The following PLCL2 variants were observed in gnomAD, a reference collection of about 807,000 sequenced individuals.
PLCL2 encodes the protein phospholipase C like 2.
PLCL2 carries 4 observed loss-of-function variants against 79.6 expected under a neutral mutation model. The ratio of observed to expected loss-of-function variants is 0.05; its 90% CI spans 0.02 to 0.11. PLCL2 has a LOEUF of 0.11. PLCL2 is among the 10% of genes least tolerant of loss of function. The pLI is 1.00. For synonymous variants in PLCL2, 484 were observed against 457.7 expected (o/e 1.06, Z -0.73); for missense variants, 895 against 1,291.0 (o/e 0.69, Z 4.70).
At chr3:16,990,370 G>T (rs142908121) in intron 1 of PLCL2, among the ~76,000 whole-genome samples, 52 of 152,294 alleles carry the variant, frequency 3.4e-4, no homozygotes, top group Admixed American at 1.0e-3. Context: ...GGCTGCCTGA[G>T]TTCATGCATT....
intron 1 of PLCL2, among the ~76,000 whole-genome samples, chr3:16,973,694 G>C (rs577040509): frequency 1.3e-5 from 2 of 152,254 alleles, no homozygotes; most frequent in South Asian, 4.1e-4. Flanking sequence ...TCAGTATTCT[G>C]TTGTGACCTT....
chr3:16,909,267 GTT>G (rs1696820084), intron 1 of PLCL2, among the ~76,000 whole-genome samples: 2 of 152,152 alleles, frequency 1.3e-5, no homozygotes, highest in African/African-American at 4.8e-5. Flanking sequence ...GGTTTTTGCT[GTT>G]ACTTAATAGC....
intron 1 of PLCL2, among the ~76,000 whole-genome samples, chr3:16,953,557 T>G (rs998230145): frequency 6.6e-6 from 1 of 152,262 alleles, no homozygotes; most frequent in South Asian, 2.1e-4. Flanking sequence ...ACATTAATGT[T>G]ACTATTTTTG....
intron 1 of PLCL2, among the ~76,000 whole-genome samples, chr3:16,890,597 C>T (rs982492619): frequency 5.9e-5 from 9 of 152,208 alleles, no homozygotes; most frequent in African/African-American, 2.2e-4. Context: ...CTTCTTAATA[C>T]TAAGTTTTGG....
At chr3:17,080,158 A>G (rs2065147581) in intron 5 of PLCL2, among the ~76,000 whole-genome samples, 1 of 152,210 alleles carries the variant, frequency 6.6e-6, no homozygotes, top group African/African-American at 2.4e-5. Flanking sequence ...ACAGGAAGCC[A>G]AAAGGACAGA....
At chr3:17,073,047 G>C (rs1415376429) in intron 5 of PLCL2, among the ~76,000 whole-genome samples, 1 of 152,148 alleles carries the variant, frequency 6.6e-6, no homozygotes, top group African/African-American at 2.4e-5. Flanking sequence ...CTTTGATTTA[G>C]AAGCCAACTT....
rs115485968 is a variant in PLCL2 at position 16,974,303 on chromosome 3, G to A, written c.328-35371G>A. Among the ~76,000 whole-genome samples the A allele has an allele frequency of 9.0e-3, 1,375 of 152,274 alleles. 19 individuals carry two copies. Among genetic ancestry groups the A allele is most frequent in the African/African-American group, 0.03 (1,255 of 41,534 alleles). ...GCAGTGGAAAGTGGACTAGAGGGCA[G>A]GACTGGGTGACAGTAGCAAGCTAGG... On this transcript the variant is annotated intron_variant, in intron 1 of 5. Transcript: ENST00000615277.
At chr3:17,003,793 T>C (rs1335737017) in intron 1 of PLCL2, among the ~76,000 whole-genome samples, 1 of 152,180 alleles carries the variant, frequency 6.6e-6, no homozygotes, top group Non-Finnish European at 1.5e-5. Context: ...GAGGTTCTGC[T>C]ACCCCCTGGG....
chr3:16,921,667 C>G (rs1031701637), intron 1 of PLCL2, among the ~76,000 whole-genome samples: 4 of 152,144 alleles, frequency 2.6e-5, no homozygotes, highest in Admixed American at 2.6e-4. Context: ...TTTGAGGGAA[C>G]AAGATTCTAA....
At chr3:17,084,014 T>G (rs2124956920) in intron 5 of PLCL2, among the ~76,000 whole-genome samples, 1 of 152,306 alleles carries the variant, frequency 6.6e-6, no homozygotes, top group Non-Finnish European at 1.5e-5. Flanking sequence ...GCTAGTCCTT[T>G]GAAAACCTTA....
chr3:16,962,185 G>T (rs1320285324), intron 1 of PLCL2, among the ~76,000 whole-genome samples: 1 of 152,170 alleles, frequency 6.6e-6, no homozygotes, highest in Non-Finnish European at 1.5e-5. Context: ...AGAATAAAGA[G>T]AAAGGGATAT....
chr3:17,052,498 T>C (rs533255640), intron 4 of PLCL2, among the ~76,000 whole-genome samples: 1 of 152,312 alleles, frequency 6.6e-6, no homozygotes, highest in African/African-American at 2.4e-5. Flanking sequence ...ATCCTCCTGA[T>C]GATACTGGCA....
chr3:16,965,768 A>C (rs1169112165), intron 1 of PLCL2, among the ~76,000 whole-genome samples: 2 of 151,984 alleles, frequency 1.3e-5, no homozygotes, highest in Non-Finnish European at 2.9e-5. Context: ...TAGGTATTTT[A>C]TTCTCTTTGA....
chr3:16,911,559 A>G (rs1202824568), intron 1 of PLCL2, among the ~76,000 whole-genome samples: 1 of 152,168 alleles, frequency 6.6e-6, no homozygotes, highest in Non-Finnish European at 1.5e-5. Flanking sequence ...TCTTTAAGAA[A>G]GAGGAGTTCA....
chr3:16,894,086 A>G (rs1404463565), intron 1 of PLCL2, among the ~76,000 whole-genome samples: 2 of 152,202 alleles, frequency 1.3e-5, no homozygotes, highest in African/African-American at 4.8e-5. Context: ...ATTACAAGCC[A>G]TATGACTCTC....
At chr3:16,953,628 C>T (rs935268057) in intron 1 of PLCL2, among the ~76,000 whole-genome samples, 1 of 152,132 alleles carries the variant, frequency 6.6e-6, no homozygotes, top group Admixed American at 6.6e-5. Flanking sequence ...TTTCTGACTT[C>T]AGTGAACTAA....
intron 1 of PLCL2, among the ~76,000 whole-genome samples, chr3:16,915,947 C>T (rs1696984326): frequency 6.6e-6 from 1 of 152,160 alleles, no homozygotes; most frequent in South Asian, 2.1e-4. Context: ...AGGCTCAACT[C>T]GCTCACACCT....
chr3:17,075,656 C>T (rs1034563347), intron 5 of PLCL2, among the ~76,000 whole-genome samples: 2 of 152,016 alleles, frequency 1.3e-5, no homozygotes, highest in African/African-American at 4.8e-5. Flanking sequence ...TCACCCTGCT[C>T]CCCCAAATTG....
chr3:16,966,200 T>A (rs563647550), intron 1 of PLCL2, among the ~76,000 whole-genome samples: 1 of 120,962 alleles, frequency 8.3e-6, no homozygotes, highest in Non-Finnish European at 1.8e-5. Context: ...CCATCAATAC[T>A]GAACTTATTG....
Sources: gnomAD v4.1 joint callset for allele counts (sites outside exome capture counted in the v4.1 genomes callset) on GRCh38, gnomAD v4.1.1 for gene constraint, MANE v1.5 for transcripts, NCBI Gene and HGNC (gene_info 2026-07-23, HGNC 2026-07-21) for gene names.